Variants in CEP112 observed in about 807,000 individuals in gnomAD.
The protein encoded by CEP112 is centrosomal protein 112.
A neutral mutation model predicts 153.0 loss-of-function variants in CEP112; 127 were observed. The observed-to-expected ratio is 0.83, with a 90% CI of 0.72 to 0.96. The LOEUF (loss-of-function observed/expected upper bound fraction) is 0.96. CEP112 is among the 40% of genes least tolerant of loss of function. The pLI is 0.00. For missense variants in CEP112, 1,089 were observed against 1,101.2 expected (o/e 0.99, Z 0.16); for synonymous variants, 358 against 374.4 (o/e 0.96, Z 0.51).
At chr17:65,776,543 T>G (rs890939449) in intron 21 of CEP112, among the ~76,000 whole-genome samples, 1 of 152,208 alleles carries the variant, frequency 6.6e-6, no homozygotes, top group Non-Finnish European at 1.5e-5. Flanking sequence ...CTTTTTATAG[T>G]TAGTATGTGA....
chr17:66,144,975 T>C (rs1179927950), intron 4 of CEP112, among the ~76,000 whole-genome samples: 1 of 152,216 alleles, frequency 6.6e-6, no homozygotes, highest in African/African-American at 2.4e-5. Flanking sequence ...TGTGCAATAT[T>C]ATACTCCCAT....
chr17:66,169,586 T>C (rs2072159925), intron 4 of CEP112, among the ~76,000 whole-genome samples: 1 of 152,126 alleles, frequency 6.6e-6, no homozygotes, highest in African/African-American at 2.4e-5. Flanking sequence ...ACCCGGCCTG[T>C]AATTTCTTAA....
At chr17:65,768,867 C>T (rs1470008034) in intron 21 of CEP112, among the ~76,000 whole-genome samples, 2 of 152,078 alleles carry the variant, frequency 1.3e-5, no homozygotes, top group East Asian at 3.9e-4. Context: ...TCTCTAAGAT[C>T]TGGTATAAGG....
chr17:65,858,458 G>A (rs542505355), intron 20 of CEP112, among the ~76,000 whole-genome samples: 1 of 151,708 alleles, frequency 6.6e-6, no homozygotes, highest in South Asian at 2.1e-4. Context: ...CATTTCACCT[G>A]GGTTCTCCAA....
intron 4 of CEP112, among the ~76,000 whole-genome samples, chr17:66,149,618 T>C (rs1181327718): frequency 6.6e-6 from 1 of 152,112 alleles, no homozygotes; most frequent in Non-Finnish European, 1.5e-5. Flanking sequence ...TGACATATGG[T>C]TGCTCATAGT....
At position 66,183,197 on chromosome 17, in the gene CEP112, T is replaced by C; in HGVS notation, c.103A>G (p.Thr35Ala). The C allele has an allele frequency of 6.3e-7, 1 of 1,586,760 alleles. No homozygotes were observed. Among genetic ancestry groups the C allele is most frequent in the Non-Finnish European group, 8.6e-7 (1 of 1,161,428 alleles). Reference sequence around the variant, plus strand: ...TAATCTTCAAACATAATCTTACCTGTCCTATGAGGTAATTTTAGAACAAAG... The same window carrying C: ...TAATCTTCAAACATAATCTTACCTGCCCTATGAGGTAATTTTAGAACAAAG... ...KPFVLKLPHR[T>A]ERQRCALWIR... Residue 35 changes from threonine (T) to alanine (A), a missense_variant, in exon 2 of 27, where the codon ACA (threonine) becomes GCA (alanine). Transcript: ENST00000535342.
intron 12 of CEP112, among the ~76,000 whole-genome samples, chr17:66,052,309 C>T (rs1036551786): frequency 6.6e-6 from 1 of 152,058 alleles, no homozygotes; most frequent in African/African-American, 2.4e-5. Context: ...TAAGTCAAAC[C>T]ATCGTTAAGT....
At chr17:65,729,510 T>G (rs1436777384) in intron 23 of CEP112, among the ~76,000 whole-genome samples, 2 of 152,224 alleles carry the variant, frequency 1.3e-5, no homozygotes, top group Non-Finnish European at 2.9e-5. Flanking sequence ...GGCTTACATT[T>G]ATGTCATTCA....
chr17:66,162,400 G>C (rs2071751613), intron 4 of CEP112, among the ~76,000 whole-genome samples: 1 of 152,164 alleles, frequency 6.6e-6, no homozygotes, highest in Admixed American at 6.5e-5. Context: ...CAGCCACTTT[G>C]AGAAATTTTA....
chr17:65,957,327 C>T (rs929941089), intron 18 of CEP112, among the ~76,000 whole-genome samples: 3 of 152,136 alleles, frequency 2.0e-5, no homozygotes, highest in African/African-American at 7.2e-5. Context: ...TACCCATTGA[C>T]CTGTCAGAGA....
At chr17:65,933,316 T>A (rs747345130) in intron 18 of CEP112, among the ~76,000 whole-genome samples, 4 of 152,092 alleles carry the variant, frequency 2.6e-5, no homozygotes, top group Admixed American at 2.6e-4. Flanking sequence ...AACATGTCAA[T>A]ATCCAGGGAC....
chr17:65,655,755 G>A (rs1278641932), intron 24 of CEP112, among the ~76,000 whole-genome samples: 2 of 151,800 alleles, frequency 1.3e-5, no homozygotes, highest in Non-Finnish European at 2.9e-5. Context: ...AAAAATACTG[G>A]TAACAGGAAA....
At chr17:66,027,893 C>G (rs1024040415) in intron 15 of CEP112, among the ~76,000 whole-genome samples, 1 of 151,614 alleles carries the variant, frequency 6.6e-6, no homozygotes, top group Non-Finnish European at 1.5e-5. Flanking sequence ...TGTAACAGTC[C>G]TTGGTATTTT....
chr17:65,983,915 A>C (rs2063313861), intron 17 of CEP112, among the ~76,000 whole-genome samples: 1 of 152,074 alleles, frequency 6.6e-6, no homozygotes, highest in Non-Finnish European at 1.5e-5. Context: ...TTATCTCTCT[A>C]CATTGTGTTT....
intron 21 of CEP112, among the ~76,000 whole-genome samples, chr17:65,809,316 C>T (rs1393395877): frequency 5.9e-5 from 9 of 152,130 alleles, no homozygotes; most frequent in Admixed American, 3.9e-4. Context: ...CATTTTGTTT[C>T]AATACTGATG....
chr17:65,951,437 G>C (rs2061824654), intron 18 of CEP112, among the ~76,000 whole-genome samples: 1 of 151,822 alleles, frequency 6.6e-6, no homozygotes. Context: ...TTCTATTCTT[G>C]GGATAGTTTT....
chr17:65,943,192 C>T (rs2061554013), intron 18 of CEP112, among the ~76,000 whole-genome samples: 1 of 152,108 alleles, frequency 6.6e-6, no homozygotes, highest in African/African-American at 2.4e-5. Context: ...CAAATTGGAA[C>T]TAGTGTTCTC....
chr17:65,958,026 T>A (rs1026116716), intron 18 of CEP112, among the ~76,000 whole-genome samples: 1 of 152,204 alleles, frequency 6.6e-6, no homozygotes, highest in Non-Finnish European at 1.5e-5. Flanking sequence ...TTTATATACC[T>A]TCCTTTTCAA....
chr17:65,896,432 G>A (rs2059661111), intron 20 of CEP112, among the ~76,000 whole-genome samples: 1 of 151,694 alleles, frequency 6.6e-6, no homozygotes, highest in African/African-American at 2.4e-5. Context: ...AAAGAAAGCT[G>A]GTGACCTACA....
Sources: allele counts gnomAD v4.1 joint callset (sites outside exome capture counted in the v4.1 genomes callset), GRCh38; gene constraint gnomAD v4.1.1; transcripts MANE v1.5; gene names NCBI Gene and HGNC (gene_info 2026-07-23, HGNC 2026-07-21).